ACY1: variants seen among roughly 807,000 people sequenced by gnomAD.
ACY1 encodes aminoacylase-1.
Under a neutral mutation model 53.3 loss-of-function variants are expected in ACY1, and 38 were observed. The ratio of observed to expected loss-of-function variants is 0.71; its 90% CI spans 0.55 to 0.93. The LOEUF (loss-of-function observed/expected upper bound fraction) is 0.93, where lower values mean the gene tolerates loss of function less well. Ranked by LOEUF, ACY1 falls within the 40% of genes least tolerant of loss-of-function variation. The pLI, the probability that ACY1 is intolerant of heterozygous loss-of-function variation, is 0.00. For synonymous variants in ACY1, 177 were observed against 202.1 expected (o/e 0.88, Z 1.05); for missense variants, 484 against 540.9 (o/e 0.89, Z 1.04).
chr3:51,983,664 T>G (rs1577722046), intron 1 of ACY1, 75 bp downstream of exon 1: 47 of 250,922 alleles, frequency 1.9e-4, no homozygotes, highest in Middle Eastern at 1.5e-3. Flanking sequence ...GGCGTTGGGG[T>G]TTTTCTTGTT....
At chr3:51,985,103 G>C in intron 2 of ACY1, 104 bp from the exon 3 acceptor site, 1 of 1,125,758 alleles carries the variant, frequency 8.9e-7, no homozygotes, top group Non-Finnish European at 1.3e-6. Context: ...GTGTGTCGGG[G>C]AGGCAGCAGC....
chr3:51,988,490 A>G (rs1470755404), intron 12 of ACY1, 34 bp from the exon 13 acceptor site: 2 of 1,597,054 alleles, frequency 1.3e-6, no homozygotes, highest in Non-Finnish European at 8.6e-7. Context: ...GCCCAGGCCC[A>G]TGTCCTGATC....
intron 12 of ACY1, 83 bp from the exon 13 acceptor site, chr3:51,988,441 T>C: frequency 7.8e-7 from 1 of 1,279,098 alleles, no homozygotes; most frequent in Non-Finnish European, 1.1e-6. Flanking sequence ...AGGTGTTATG[T>C]ACTAGGCACA....
At chr3:51,983,718 CG>C (rs1171237959) in intron 1 of ACY1, 129 bp downstream of exon 1, 5 of 305,450 alleles carry the variant, frequency 1.6e-5, no homozygotes, top group South Asian at 1.1e-4. Context: ...TTTAGGAGGG[CG>C]GGGGGAGTAC....
chr3:51,986,258 C>T lies in ACY1; in HGVS notation c.363C>T (p.Tyr121=), dbSNP rs1701051769. 1 of 1,613,604 alleles carries T rather than the reference C, an allele frequency of 6.2e-7. No individual in the cohort carries two copies. The highest frequency in any genetic ancestry group is 1.7e-5 in the Admixed American group (1 of 59,960). Residue 121 remains tyrosine, a synonymous_variant, in exon 6 of 15, where the codon TAC becomes TAT. Coordinates refer to ENST00000636358, the MANE Select transcript of ACY1 (RefSeq NM_000666.3). The part of the protein sequence containing the change: ...AQDMKCVSIQ[Y]LEAVRRLKVE... ...CACCTGGCTTATGCCCCCTCAGGTA[C>T]CTGGAAGCTGTGAGGAGGCTGAAGG...
intron 2 of ACY1, 114 bp from the exon 3 acceptor site, chr3:51,985,093 G>C: frequency 1.0e-6 from 1 of 998,486 alleles, no homozygotes; most frequent in Non-Finnish European, 1.5e-6. Flanking sequence ...GGGATATGGA[G>C]TGTGTCGGGG....
intron 13 of ACY1, 66 bp downstream of exon 13, chr3:51,988,669 CCCTTCTCCCT>C: frequency 1.9e-6 from 3 of 1,553,456 alleles, no homozygotes; most frequent in Admixed American, 1.7e-5. Flanking sequence ...GCTGCCCCCT[CCCTTCTCCCT>C]CCTTCTCCCA....
In ACY1 at chr3:51,988,512, C is replaced by T. The variant is rs777692573; in HGVS notation, c.922-12C>T. 4.3e-6 allele frequency: 7 copies of T among 1,613,348 alleles called. No individual in the cohort carries two copies. The highest frequency in any genetic ancestry group is 1.1e-5 in the South Asian group (1 of 91,074). ...CCCATGTCCTGATCCTGCCATTCTT[C>T]CTGTCCCTCAGAAGTGGATGCACCC... is the stretch of plus-strand genomic sequence containing the variant. On this transcript the variant is annotated splice_polypyrimidine_tract_variant and intron_variant, in intron 12 of 14. Coordinates refer to ENST00000636358, the MANE Select transcript of ACY1 (RefSeq NM_000666.3).
chr3:51,985,286 C>T lies in ACY1; in HGVS notation c.159+15C>T, dbSNP rs1327723935. The stretch of plus-strand genomic sequence containing the variant: ...AGAAAGTAGAGGTGAGCCTGGGGCC[C>T]TAAGCGGGGAAGGGAGGTGGGCCTG... On this transcript the variant is annotated intron_variant, in intron 3 of 14. Transcript: ENST00000636358. The T allele has an allele frequency of 2.5e-6, 4 of 1,612,478 alleles. No homozygotes were observed. The highest frequency in any genetic ancestry group is 1.7e-5 in the Admixed American group (1 of 59,710).
Position 51,985,850 on chromosome 3 carries a change from AG to A in ACY1, c.265del. 1 of 1,613,102 alleles carries A rather than the reference AG, an allele frequency of 6.2e-7. No individual in the cohort carries two copies. The highest frequency in any genetic ancestry group is 8.5e-7 in the Non-Finnish European group (1 of 1,179,560). ...GGCCCCTCTTCCCATCCCTGCCCCC[AG>A]GAACATTGGAGTCACGACCCCTTTG... On this transcript the variant is annotated splice_acceptor_variant, in intron 4 of 14. Coordinates refer to ENST00000636358, the MANE Select transcript of ACY1 (RefSeq NM_000666.3). LOFTEE classifies it high-confidence loss of function.
chr3:51,985,966 A>G lies in ACY1; in HGVS notation c.359+20A>G, dbSNP rs367898748. On this transcript the variant is annotated intron_variant, in intron 5 of 14. Transcript: ENST00000636358. ...CATCCAGTGAGTGTCCTCCATTCCT[A>G]CTCCTCCACAATGTCCCCACTGGTC... 3 of 1,597,748 alleles carry G rather than the reference A, an allele frequency of 1.9e-6. No individual in the cohort carries two copies. Among genetic ancestry groups the G allele is most frequent in the South Asian group, 1.1e-5 (1 of 88,752 alleles).
Position 51,987,297 on chromosome 3 carries a change from C to T in ACY1, c.708-12C>T. The T allele has an allele frequency of 1.9e-6, 3 of 1,614,082 alleles. No homozygotes were observed. Among genetic ancestry groups the T allele is most frequent in the Non-Finnish European group, 2.5e-6 (3 of 1,180,026 alleles). ...TATCTGTTGCTGCCGCTACCCTGCC[C>T]CCACACCACAGGCTGCAGTCAAACC... On this transcript the variant is annotated splice_polypyrimidine_tract_variant and intron_variant, in intron 10 of 14. Transcript: ENST00000636358.
Position 51,986,289 on chromosome 3 carries a change from GGC to G in ACY1, c.395_396del (p.Gly132AlafsTer14). 6.2e-7 allele frequency: 1 copy of G among 1,606,894 alleles called. No individual in the cohort carries two copies. The highest frequency in any genetic ancestry group is 8.5e-7 in the Non-Finnish European group (1 of 1,176,114). On this transcript the variant is annotated frameshift_variant, in exon 6 of 15. Transcript: ENST00000636358. LOFTEE classifies it high-confidence loss of function. ...AGCTGTGAGGAGGCTGAAGGTGGAGGGCCACCGGTTCCCCAGAACCATCCACA... is the reference window on the plus strand; with the variant it reads ...AGCTGTGAGGAGGCTGAAGGTGGAGGCACCGGTTCCCCAGAACCATCCACA... ...LEAVRRLKVE[G>X]HRFPRTIHMT...
At position 51,989,168 on chromosome 3, in the gene ACY1, G is replaced by A. The variant is rs1296901500; in HGVS notation, c.*93G>A. 1.9e-6 allele frequency: 3 copies of A among 1,548,066 alleles called. No homozygotes were observed. The highest frequency in any genetic ancestry group is 2.2e-5 in the East Asian group (1 of 44,506). On this transcript the variant is annotated 3_prime_UTR_variant, in exon 15 of 15. Transcript: ENST00000636358. ...CCCCTTCCAAATAATAAAGTCTATG[G>A]ACAGGGCTGTCTCTGAAGTACTAAC...
In ACY1 at chr3:51,985,488, G is replaced by A. The variant is rs1208097666; in HGVS notation, c.264+23G>A. ...AAGGTGTGTAAGGGGCTGGGGAGGT[G>A]GGCAGTGCAGGCCTTGGGGACAGAC... On this transcript the variant is annotated intron_variant, in intron 4 of 14. Transcript: ENST00000636358. 2.5e-6 allele frequency: 4 copies of A among 1,608,968 alleles called. No individual in the cohort carries two copies. In the East Asian group the frequency reaches 6.7e-5, roughly 27 times the overall value.
chr3:51,986,540 G>T (rs781117334), intron 7 of ACY1, 36 bp downstream of exon 7: 11 of 1,613,876 alleles, frequency 6.8e-6, no homozygotes, highest in Middle Eastern at 1.6e-4. Context: ...CAGCCAGGCA[G>T]GGAGTAGGAG....
chr3:51,989,197 A>C lies in ACY1; in HGVS notation c.*122A>C. 7.3e-7 allele frequency: 1 copy of C among 1,374,956 alleles called. No homozygotes were observed. The highest frequency in any genetic ancestry group is 1.0e-6 in the Non-Finnish European group (1 of 988,854). 85.2% of individuals were successfully genotyped at this position (1,374,956 alleles called of 1,614,324 possible). A position where few individuals can be genotyped will look rare whatever the true frequency, so the allele number is the denominator to read the frequency against. On this transcript the variant is annotated 3_prime_UTR_variant, in exon 15 of 15. Transcript: ENST00000636358. ...GGGCTGTCTCTGAAGTACTAACACA[A>C]GGACACTCGTGGAGCAAGAATTTTC...
intron 12 of ACY1, chr3:51,988,035 T>G (rs1228508489): frequency 3.4e-6 from 1 of 297,302 alleles, no homozygotes; most frequent in Admixed American, 4.8e-5. Flanking sequence ...CCAGCTAATT[T>G]TTGCATTTTT....
At chr3:51,986,796 T>A in intron 8 of ACY1, 135 bp downstream of exon 8, 4 of 1,311,830 alleles carry the variant, frequency 3.0e-6, no homozygotes, top group Non-Finnish European at 4.3e-6. Flanking sequence ...ACCTCCCAGC[T>A]CTTTCCTATC....
Sources: gnomAD v4.1 joint callset for allele counts on GRCh38, gnomAD v4.1.1 for gene constraint, MANE v1.5 for transcripts, NCBI Gene and HGNC (gene_info 2026-07-23, HGNC 2026-07-21) for gene names.